Variants in HAGH observed in about 807,000 individuals in gnomAD.
HAGH encodes the protein hydroxyacylglutathione hydrolase.
In HAGH, 29 loss-of-function variants were observed where a neutral mutation model predicts 35.1. That is an observed-to-expected ratio of 0.83 (90% CI 0.62 to 1.13). The LOEUF is 1.13. HAGH is among the 50% of genes most tolerant of loss of function. HAGH has a pLI of 0.00. For missense variants in HAGH, 478 were observed against 419.6 expected (o/e 1.14, Z -1.22); for synonymous variants, 225 against 176.1 (o/e 1.28, Z -2.20).
At chr16:1,817,371 G>A in intron 5 of HAGH, 100 bp from the exon 6 acceptor site, 2 of 789,368 alleles carry the variant, frequency 2.5e-6, no homozygotes, top group Non-Finnish European at 2.2e-6. Flanking sequence ...GCAAGGCCCA[G>A]GCCCCGAACC....
intron 1 of HAGH, 111 bp downstream of exon 1, chr16:1,826,601 A>G: frequency 3.1e-6 from 3 of 981,612 alleles, no homozygotes; most frequent in Non-Finnish European, 3.6e-6. Flanking sequence ...GGCCTTAGGC[A>G]CCTGCGCAAC....
At chr16:1,814,914 A>AAT (rs1897821339) in intron 7 of HAGH, among the ~76,000 whole-genome samples, 1 of 126,062 alleles carries the variant, frequency 7.9e-6, no homozygotes, top group African/African-American at 3.0e-5. Context: ...CAAACAAATA[A>AAT]ATATATATAT....
intron 7 of HAGH, chr16:1,810,976 C>A (rs940026214): frequency 6.6e-6 from 1 of 152,328 alleles, no homozygotes; most frequent in East Asian, 1.9e-4. Flanking sequence ...CTGCCTCCTA[C>A]GAGGGAAGCA....
chr16:1,820,045 TGCTGAGCTGAGGGGGCTGC>T, intron 3 of HAGH, 31 bp from the exon 4 acceptor site: 1 of 443,554 alleles, frequency 2.3e-6, no homozygotes. Flanking sequence ...CTGGGCTGCC[TGCTGAGCTGAGGGGGCTGC>T]CTGCTGAGCT....
rs1885463034 is a variant in HAGH at position 1,808,942 on chromosome 16, A to C, written c.*341T>G. The C allele has an allele frequency of 7.4e-6, 2 of 271,814 alleles. No individual in the cohort carries two copies. The highest frequency in any genetic ancestry group is 7.1e-5 in the East Asian group (1 of 14,062). The allele number at this position is 271,814 out of a possible 1,614,324, so 16.8% of individuals were successfully genotyped here. ...GGTACCGACCGCAGCAGTGGGCCTG[A>C]CAGTCCCATCAGCACCCAGCCAAGG... On this transcript the variant is annotated 3_prime_UTR_variant, in exon 9 of 9. Coordinates refer to ENST00000397356, the MANE Select transcript of HAGH (RefSeq NM_005326.6).
chr16:1,822,831 C>T (rs199877717), intron 2 of HAGH, 34 bp downstream of exon 2: 66 of 1,591,534 alleles, frequency 4.1e-5, no homozygotes, highest in Non-Finnish European at 5.5e-5. Context: ...GCTGGGTGAC[C>T]AGGGCAGGGA....
chr16:1,809,852 A>C lies in HAGH; in HGVS notation c.748-19T>G. On this transcript the variant is annotated intron_variant, in intron 7 of 8. Coordinates refer to ENST00000397356, the MANE Select transcript of HAGH (RefSeq NM_005326.6). ...ACTTCTCCTGCAAGAGAAACGCACC[A>C]CTTTATCACGGGAACTTCACAGGAT... 6.3e-7 allele frequency: 1 copy of C among 1,588,674 alleles called. No individual in the cohort carries two copies. The highest frequency in any genetic ancestry group is 2.2e-5 in the East Asian group (1 of 44,766).
chr16:1,812,870 C>A (rs62038372), intron 7 of HAGH, among the ~76,000 whole-genome samples: 26 of 151,940 alleles, frequency 1.7e-4, no homozygotes, highest in African/African-American at 5.6e-4. Context: ...CGGCTGGCTC[C>A]ACCGCGTGGG....
At position 1,817,256 on chromosome 16, in the gene HAGH, A is replaced by G. The variant is rs146470608; in HGVS notation, c.557T>C (p.Val186Ala). ...PAVFTGDTLF[V>A]AGCGKFYEGT... is the part of the protein sequence containing the mutation. The stretch of plus-strand genomic sequence containing the variant: ...TTCATAGAACTTCCCGCAGCCAGCC[A>G]CAAACAAGGTGTCACCTGGAAACAA... Residue 186 changes from valine to alanine, a missense_variant, in exon 6 of 9, where the codon GTG becomes GCG. By Grantham distance (64) the Val-to-Ala change is moderately conservative. Transcript: ENST00000397356. 1 of 1,611,702 alleles carries G rather than the reference A, an allele frequency of 6.2e-7. No individual in the cohort carries two copies. The highest frequency in any genetic ancestry group is 8.5e-7 in the Non-Finnish European group (1 of 1,177,800).
chr16:1,813,631 G>A (rs572379003), intron 7 of HAGH, among the ~76,000 whole-genome samples: 9 of 152,170 alleles, frequency 5.9e-5, no homozygotes, highest in Non-Finnish European at 1.0e-4. Flanking sequence ...TGTTAAGATC[G>A]CAATTCTCGC....
In HAGH at chr16:1,826,733, C is replaced by A. The variant is rs2142058774; in HGVS notation, c.55G>T (p.Ala19Ser). The A allele has an allele frequency of 8.5e-7, 1 of 1,173,128 alleles. No individual in the cohort carries two copies. The highest frequency in any genetic ancestry group is 1.1e-6 in the Non-Finnish European group (1 of 950,640). The allele number at this position is 1,173,128 out of a possible 1,614,324, so 72.7% of individuals were successfully genotyped here. A position where few individuals can be genotyped will look rare whatever the true frequency, so the allele number is the denominator to read the frequency against. The part of the protein sequence containing the change: ...GRRSLAALGA[A>S]CARRGLGPAL... Reference sequence around the variant, plus strand: ...CCACCGAGGCCTCGGCGGGCGCAGGCGGCTCCCAGCGCGGCGAGGCTGCGG... The same window carrying A: ...CCACCGAGGCCTCGGCGGGCGCAGGAGGCTCCCAGCGCGGCGAGGCTGCGG... Residue 19 changes from alanine to serine, a missense_variant, in exon 1 of 9, where the codon GCC becomes TCC. Ala to Ser is a moderately conservative substitution (Grantham distance 99). Coordinates refer to ENST00000397356, the MANE Select transcript of HAGH (RefSeq NM_005326.6).
Position 1,820,007 on chromosome 16 carries a change from C to T in HAGH, c.322G>A (p.Ala108Thr), listed in dbSNP as rs776075539. The part of the protein sequence containing the change: ...VLTTHHHWDH[A>T]GGNEKLVKLE... ...TTGACCAGTTTCTCATTCCCGCCAG[C>T]ATGGTCCCTAGAAGTCAAACAGGAG... Residue 108 changes from alanine to threonine, a missense_variant, in exon 4 of 9, where the codon GCT becomes ACT. Physicochemically the swap from Ala to Thr is moderately conservative, Grantham distance 58. Transcript: ENST00000397356. The T allele has an allele frequency of 2.5e-6, 4 of 1,609,656 alleles. No homozygotes were observed. The highest frequency in any genetic ancestry group is 3.4e-6 in the Non-Finnish European group (4 of 1,177,420).
At position 1,819,203 on chromosome 16, in the gene HAGH, C is replaced by G; in HGVS notation, c.453G>C (p.Lys151Asn). 1 of 1,611,694 alleles carries G rather than the reference C, an allele frequency of 6.2e-7. No homozygotes were observed. Among genetic ancestry groups the G allele is most frequent in the Non-Finnish European group, 8.5e-7 (1 of 1,178,716 alleles). ...AAGTGTGGCACGGGGTCGCCAGGCA[C>G]TTGACGTTCAGAGACCCCACCTTCA... ...STLQVGSLNV[K>N]CLATPCHTSG... The change falls in exon 5 of 9, where the codon AAG (lysine) becomes AAC (asparagine). Residue 151 changes from lysine (K) to asparagine (N), a missense_variant. Lys to Asn is a moderately conservative substitution (Grantham distance 94). Transcript: ENST00000397356.
chr16:1,821,232 G>T (rs1209132823), intron 3 of HAGH, among the ~76,000 whole-genome samples: 1 of 152,170 alleles, frequency 6.6e-6, no homozygotes, highest in Non-Finnish European at 1.5e-5. Context: ...AGGCTCGAGG[G>T]GCCCAACTCA....
At chr16:1,812,772 G>A (rs1283585876) in intron 7 of HAGH, among the ~76,000 whole-genome samples, 3 of 152,204 alleles carry the variant, frequency 2.0e-5, no homozygotes, top group South Asian at 2.1e-4. Context: ...AAAAGATACT[G>A]CTAAGAAAAC....
chr16:1,809,721 G>A (rs556676791), intron 8 of HAGH, 33 bp downstream of exon 8: 10 of 1,458,188 alleles, frequency 6.9e-6, no homozygotes, highest in African/African-American at 5.5e-5. Flanking sequence ...CAGAGGGGAG[G>A]GGCCCGCGCC....
rs183764143 is a variant in HAGH, at chr16:1,809,840, G to A, written c.748-7C>T. 5.6e-6 allele frequency: 9 copies of A among 1,609,944 alleles called. No individual in the cohort carries two copies. Among genetic ancestry groups the A allele is most frequent in the East Asian group, 2.2e-5 (1 of 44,852 alleles). ...CCCCGATGCTGTACTTCTCCTGCAA[G>A]AGAAACGCACCACTTTATCACGGGA... On this transcript the variant is annotated splice_polypyrimidine_tract_variant and splice_region_variant and intron_variant, in intron 7 of 8. Coordinates refer to ENST00000397356, the MANE Select transcript of HAGH (RefSeq NM_005326.6).
Position 1,807,829 on chromosome 16 carries a change from G to A in HAGH, c.*1454C>T, listed in dbSNP as rs962770961. ...CGAACAGACCAGTGACCCCTCCGGG[G>A]GGAGGGCATGCATGTGGTCTGAAGT... On this transcript the variant is annotated 3_prime_UTR_variant, in exon 9 of 9. Transcript: ENST00000397356. 1.8e-5 allele frequency: 2 copies of A among 108,608 alleles called. No individual in the cohort carries two copies. Among genetic ancestry groups the A allele is most frequent in the African/African-American group, 7.6e-5 (2 of 26,396 alleles). The allele number at this position is 108,608 out of a possible 1,614,324, so 6.7% of individuals were successfully genotyped here.
chr16:1,824,904 A>C (rs1742411), intron 1 of HAGH, among the ~76,000 whole-genome samples: 147,328 of 152,282 alleles, frequency 0.97, 71,458 homozygotes, highest in East Asian at 1. Flanking sequence ...AAGGAGCACA[A>C]CAAGCAGAGT....
Sources: allele counts gnomAD v4.1 joint callset (sites outside exome capture counted in the v4.1 genomes callset), GRCh38; gene constraint gnomAD v4.1.1; transcripts MANE v1.5; gene names NCBI Gene and HGNC (gene_info 2026-07-23, HGNC 2026-07-21).